Variants in PPM1L observed in about 807,000 individuals in gnomAD.
PPM1L encodes the protein protein phosphatase 1L.
PPM1L carries 13 observed loss-of-function variants against 31.4 expected under a neutral mutation model. The ratio of observed to expected loss-of-function variants is 0.41; its 90% CI spans 0.27 to 0.66. The LOEUF is 0.66. PPM1L is among the 30% of genes least tolerant of loss of function. PPM1L has a pLI of 0.29. For synonymous variants in PPM1L, 184 were observed against 175.4 expected (o/e 1.05, Z -0.39); for missense variants, 326 against 453.7 (o/e 0.72, Z 2.56).
intron 2 of PPM1L, among the ~76,000 whole-genome samples, chr3:161,041,522 AG>A (rs1436879819): frequency 6.6e-6 from 1 of 152,162 alleles, no homozygotes; most frequent in Non-Finnish European, 1.5e-5. Flanking sequence ...AGGCCAAGGC[AG>A]GCAGATCACA....
In PPM1L at chr3:161,077,442, G is replaced by C. The variant is rs1188632666; in HGVS notation, c.*8285G>C. 1 of 152,306 alleles carries C rather than the reference G, an allele frequency of 6.6e-6. No homozygotes were observed. Among genetic ancestry groups the C allele is most frequent in the African/African-American group, 2.4e-5 (1 of 41,438 alleles). The allele number at this position is 152,306 out of a possible 1,614,324, so 9.4% of individuals were successfully genotyped here. A position where few individuals can be genotyped will look rare whatever the true frequency, so the allele number is the denominator to read the frequency against. ...TGTGCAAGGGTGCAGCAGTAGGCTG[G>C]TGAAAGCCAGGTTGTCCAGATCTTT... On this transcript the variant is annotated 3_prime_UTR_variant, in exon 4 of 4. Transcript: ENST00000498165.
At chr3:160,901,237 A>T (rs1247780613) in intron 1 of PPM1L, among the ~76,000 whole-genome samples, 1 of 152,098 alleles carries the variant, frequency 6.6e-6, no homozygotes, top group East Asian at 1.9e-4. Flanking sequence ...CTGAGACTTA[A>T]CATGCTCCAA....
intron 2 of PPM1L, among the ~76,000 whole-genome samples, chr3:161,006,987 C>A (rs1326210437): frequency 6.6e-6 from 1 of 152,166 alleles, no homozygotes; most frequent in East Asian, 1.9e-4. Flanking sequence ...CGGCCCCCTA[C>A]CTTCTTTCCT....
At chr3:161,060,152 A>G (rs903603632) in intron 2 of PPM1L, among the ~76,000 whole-genome samples, 11 of 152,176 alleles carry the variant, frequency 7.2e-5, no homozygotes, top group Non-Finnish European at 1.2e-4. Context: ...TGTAAGGGCA[A>G]TAAACAAAGA....
At chr3:160,761,842 T>C (rs188514835) in intron 1 of PPM1L, among the ~76,000 whole-genome samples, 1 of 152,246 alleles carries the variant, frequency 6.6e-6, no homozygotes, top group East Asian at 1.9e-4. Context: ...AGAAGAGAGC[T>C]TGTGGAGGGA....
chr3:160,909,760 G>A (rs190082678), intron 1 of PPM1L, among the ~76,000 whole-genome samples: 9 of 152,140 alleles, frequency 5.9e-5, no homozygotes, highest in Non-Finnish European at 1.2e-4. Context: ...CCAAGGAGTC[G>A]GGGAGTTTTT....
intron 1 of PPM1L, among the ~76,000 whole-genome samples, chr3:160,770,241 G>C (rs1337466825): frequency 2.0e-5 from 3 of 151,606 alleles, no homozygotes; most frequent in Non-Finnish European, 1.5e-5. Flanking sequence ...TGTATTTTTT[G>C]TTTTTGTTTT....
intron 1 of PPM1L, among the ~76,000 whole-genome samples, chr3:160,891,828 G>A (rs929590364): frequency 3.3e-5 from 5 of 152,172 alleles, no homozygotes; most frequent in African/African-American, 1.2e-4. Flanking sequence ...TAAAAAGGAT[G>A]AAATTATGTC....
intron 1 of PPM1L, among the ~76,000 whole-genome samples, chr3:160,834,372 A>T (rs1383129034): frequency 6.6e-6 from 1 of 151,996 alleles, no homozygotes; most frequent in Admixed American, 6.6e-5. Context: ...GGTTTGTCAA[A>T]GATCAGATGG....
intron 2 of PPM1L, among the ~76,000 whole-genome samples, chr3:160,995,696 G>T (rs540026531): frequency 2.4e-4 from 37 of 152,268 alleles, no homozygotes; most frequent in African/African-American, 7.5e-4. Flanking sequence ...AAGAATGAGA[G>T]AAACTATTGA....
At chr3:160,913,736 C>A (rs1714053617) in intron 1 of PPM1L, among the ~76,000 whole-genome samples, 2 of 152,230 alleles carry the variant, frequency 1.3e-5, no homozygotes, top group Middle Eastern at 3.4e-3. Flanking sequence ...GTCAGTAGTT[C>A]ATTCCTTTTC....
intron 1 of PPM1L, among the ~76,000 whole-genome samples, chr3:160,946,607 AT>A (rs918503913): frequency 5.3e-5 from 8 of 151,414 alleles, no homozygotes; most frequent in East Asian, 1.9e-4. Flanking sequence ...ACATTTGAGT[AT>A]TTTTTTTTCC....
intron 1 of PPM1L, among the ~76,000 whole-genome samples, chr3:160,877,564 C>T (rs541516920): frequency 2.7e-3 from 406 of 151,984 alleles, no homozygotes; most frequent in Non-Finnish European, 4.2e-3. Flanking sequence ...ATAGAGTATG[C>T]GGACACATGA....
intron 2 of PPM1L, among the ~76,000 whole-genome samples, chr3:161,011,342 T>C (rs1576781767): frequency 1.3e-5 from 2 of 152,254 alleles, no homozygotes; most frequent in African/African-American, 4.8e-5. Context: ...TGTGGTATTA[T>C]TTCTGAGAGC....
intron 2 of PPM1L, among the ~76,000 whole-genome samples, chr3:161,005,014 G>A (rs1717655781): frequency 6.6e-6 from 1 of 152,090 alleles, no homozygotes; most frequent in Admixed American, 6.6e-5. Context: ...TGCTTTGAAT[G>A]CGTCCCAGAG....
chr3:161,055,753 C>T (rs1416947993), intron 2 of PPM1L, among the ~76,000 whole-genome samples: 1 of 151,966 alleles, frequency 6.6e-6, no homozygotes, highest in Non-Finnish European at 1.5e-5. Flanking sequence ...CACCCCTTGC[C>T]ACCCCTTCCT....
intron 2 of PPM1L, among the ~76,000 whole-genome samples, chr3:160,974,454 T>C (rs1481762028): frequency 1.1e-4 from 16 of 150,880 alleles, no homozygotes; most frequent in African/African-American, 3.9e-4. Flanking sequence ...CACACTGACT[T>C]CCACAATGGT....
chr3:161,065,464 C>T lies in PPM1L; in HGVS notation c.636C>T (p.Asp212=). 1 of 1,614,074 alleles carries T rather than the reference C, an allele frequency of 6.2e-7. No homozygotes were observed. The highest frequency in any genetic ancestry group is 8.5e-7 in the Non-Finnish European group (1 of 1,179,978). Residue 212 remains aspartate (D), a synonymous_variant, in exon 3 of 4, where the codon GAC becomes GAT. Coordinates refer to ENST00000498165, the MANE Select transcript of PPM1L (RefSeq NM_139245.4). ...ACCTCACTGTGGCCAACGTGGGTGA[C>T]TCGCGCGGGGTCCTGTGTGACAAAG... ...DKDLTVANVG[D]SRGVLCDKDG...
At chr3:160,934,453 T>G (rs1364088897) in intron 1 of PPM1L, among the ~76,000 whole-genome samples, 2 of 152,176 alleles carry the variant, frequency 1.3e-5, no homozygotes, top group African/African-American at 4.8e-5. Flanking sequence ...ATAATGAAAG[T>G]AATATATGTT....
Sources: gnomAD v4.1 joint callset for allele counts (sites outside exome capture counted in the v4.1 genomes callset) on GRCh38, gnomAD v4.1.1 for gene constraint, MANE v1.5 for transcripts, NCBI Gene and HGNC (gene_info 2026-07-23, HGNC 2026-07-21) for gene names.